OPCML: variants seen among roughly 807,000 people sequenced by gnomAD.
OPCML encodes opioid binding protein/cell adhesion molecule like.
In OPCML, 13 loss-of-function variants were observed where a neutral mutation model predicts 37.8. That is an observed-to-expected ratio of 0.34 (90% CI 0.22 to 0.55). The LOEUF (loss-of-function observed/expected upper bound fraction) is 0.55. Among genes scored for constraint, OPCML ranks in the 20% least tolerant of loss-of-function variants. The pLI is 0.91. For synonymous variants in OPCML, 176 were observed against 168.8 expected (o/e 1.04, Z -0.33); for missense variants, 341 against 435.6 (o/e 0.78, Z 1.93).
chr11:133,480,200 C>T (rs963465799), intron 1 of OPCML, among the ~76,000 whole-genome samples: 1 of 152,202 alleles, frequency 6.6e-6, no homozygotes, highest in Non-Finnish European at 1.5e-5. Context: ...CTAACCCATG[C>T]TTGCTCATCC....
chr11:132,944,223 G>A (rs1481580132), intron 1 of OPCML, among the ~76,000 whole-genome samples: 13 of 152,192 alleles, frequency 8.5e-5, no homozygotes, highest in Admixed American at 8.5e-4. Flanking sequence ...AGGGGAGGGC[G>A]GGAGAGGGAG....
At chr11:132,765,381 A>G (rs1349444397) in intron 2 of OPCML, among the ~76,000 whole-genome samples, 2 of 152,348 alleles carry the variant, frequency 1.3e-5, no homozygotes, top group South Asian at 2.1e-4. Flanking sequence ...AAGTTCTCCC[A>G]GGAACTTTGG....
rs148744749 is a variant in OPCML at position 132,809,509 on chromosome 11, C to T, written c.146+133417G>A. On this transcript the variant is annotated intron_variant, in intron 2 of 7. Transcript: ENST00000524381. ...GTGTACGGAGCTTATTTTTAATGTTCCTTACTATAGATTATAAATCTTAAC... is the reference window on the plus strand; with the variant it reads ...GTGTACGGAGCTTATTTTTAATGTTTCTTACTATAGATTATAAATCTTAAC... Among the ~76,000 whole-genome samples the T allele has an allele frequency of 1.4e-4, 21 of 152,126 alleles. 1 individual carries two copies. In the East Asian group the frequency reaches 3.5e-3, roughly 25 times the overall value.
chr11:132,982,659 A>G (rs1489456403), intron 1 of OPCML, among the ~76,000 whole-genome samples: 4 of 152,164 alleles, frequency 2.6e-5, no homozygotes, highest in Non-Finnish European at 5.9e-5. Context: ...TCTGAAATAT[A>G]AGCAGTTTGG....
At chr11:132,668,952 C>T (rs1015276776) in intron 2 of OPCML, among the ~76,000 whole-genome samples, 7 of 152,090 alleles carry the variant, frequency 4.6e-5, no homozygotes, top group African/African-American at 1.7e-4. Context: ...TCAGCTATAG[C>T]CACTGAGACA....
At position 133,313,326 on chromosome 11, in the gene OPCML, C is replaced by CT. The variant is rs1943111805; in HGVS notation, c.61+218937dup. 3.3e-5 allele frequency among the ~76,000 whole-genome samples: 5 copies of CT among 152,318 alleles called. No individual in the cohort carries two copies. The South Asian group carries it at 8.3e-4, about 25-fold the overall frequency. On this transcript the variant is annotated intron_variant, in intron 1 of 7. Transcript: ENST00000524381. ...CAAAGGTGTTATCTTTAAACACTAA[C>CT]TGTTCACAAATAAATAGACTGCAAA...
chr11:133,463,892 G>A (rs911001826), intron 1 of OPCML, among the ~76,000 whole-genome samples: 2 of 152,102 alleles, frequency 1.3e-5, no homozygotes, highest in African/African-American at 4.8e-5. Context: ...ACAAAGCGGG[G>A]TGATGGTTGG....
At chr11:132,919,907 TGCGA>T (rs1335673433) in intron 2 of OPCML, among the ~76,000 whole-genome samples, 1 of 152,212 alleles carries the variant, frequency 6.6e-6, no homozygotes, top group African/African-American at 2.4e-5. Flanking sequence ...ATGCGTATTG[TGCGA>T]GTCCACATAC....
chr11:133,234,932 G>A (rs1470794254), intron 1 of OPCML, among the ~76,000 whole-genome samples: 1 of 152,164 alleles, frequency 6.6e-6, no homozygotes, highest in Non-Finnish European at 1.5e-5. Context: ...CGGATGGTCT[G>A]TTGGCATTTC....
At chr11:133,474,089 G>GTTAT (rs775734978) in intron 1 of OPCML, among the ~76,000 whole-genome samples, 3 of 151,996 alleles carry the variant, frequency 2.0e-5, no homozygotes, top group Non-Finnish European at 4.4e-5. Flanking sequence ...TTTCCTACTT[G>GTTAT]TTATTTATTT....
At chr11:132,687,407 TA>T (rs1943209998) in intron 2 of OPCML, among the ~76,000 whole-genome samples, 5 of 97,460 alleles carry the variant, frequency 5.1e-5, no homozygotes, top group Non-Finnish European at 9.4e-5. Context: ...TATATATATA[TA>T]TATATATATA....
chr11:132,521,225 TG>T (rs974142785), intron 4 of OPCML, among the ~76,000 whole-genome samples: 3 of 152,182 alleles, frequency 2.0e-5, no homozygotes, highest in Non-Finnish European at 4.4e-5. Context: ...TTGATAGGAC[TG>T]TTTTTTTATC....
intron 1 of OPCML, chr11:133,065,620 A>T (rs929984022): frequency 1.3e-5 from 2 of 152,388 alleles, no homozygotes; most frequent in Admixed American, 1.3e-4. Context: ...CCACAGTCTC[A>T]CATTTGTCTG....
intron 1 of OPCML, chr11:133,361,656 C>T (rs945793785): frequency 3.1e-5 from 5 of 160,312 alleles, no homozygotes; most frequent in African/African-American, 7.3e-5. Context: ...TATCCCGGGG[C>T]GCCTGCAGCT....
intron 2 of OPCML, among the ~76,000 whole-genome samples, chr11:132,832,444 C>T (rs963314390): frequency 2.0e-5 from 3 of 152,148 alleles, no homozygotes; most frequent in South Asian, 2.1e-4. Flanking sequence ...CCTTCATTTA[C>T]GGACAATTAT....
intron 1 of OPCML, among the ~76,000 whole-genome samples, chr11:133,337,147 A>G (rs1943761077): frequency 6.6e-6 from 1 of 152,234 alleles, no homozygotes; most frequent in Admixed American, 6.5e-5. Context: ...CTATTTAGAT[A>G]TGATAAGCAA....
At chr11:132,722,593 T>C (rs1944712216) in intron 2 of OPCML, among the ~76,000 whole-genome samples, 1 of 152,138 alleles carries the variant, frequency 6.6e-6, no homozygotes, top group African/African-American at 2.4e-5. Flanking sequence ...ATGCAGTTTC[T>C]AGGGAGGAGC....
chr11:133,054,465 T>A (rs1948185714), intron 1 of OPCML, among the ~76,000 whole-genome samples: 1 of 152,176 alleles, frequency 6.6e-6, no homozygotes, highest in South Asian at 2.1e-4. Flanking sequence ...GGCTCAGAGC[T>A]TTTGTTGCTG....
intron 1 of OPCML, among the ~76,000 whole-genome samples, chr11:133,462,548 A>C (rs1946881440): frequency 6.6e-6 from 1 of 152,090 alleles, no homozygotes; most frequent in Admixed American, 6.5e-5. Context: ...ATTTTTCCAA[A>C]GATGTACGAA....
Sources: gnomAD v4.1 joint callset for allele counts (sites outside exome capture counted in the v4.1 genomes callset) on GRCh38, gnomAD v4.1.1 for gene constraint, MANE v1.5 for transcripts, NCBI Gene and HGNC (gene_info 2026-07-23, HGNC 2026-07-21) for gene names.